Variants in SLC7A9 observed in about 807,000 individuals in gnomAD.
SLC7A9 encodes the protein solute carrier family 7 member 9, also known as B(0,+)-type amino acid transporter 1.
A neutral mutation model predicts 54.1 loss-of-function variants in SLC7A9; 38 were observed. The ratio of observed to expected loss-of-function variants is 0.70; its 90% CI spans 0.54 to 0.92. SLC7A9 has a LOEUF of 0.92. Ranked by LOEUF, SLC7A9 falls within the 40% of genes least tolerant of loss-of-function variation. The pLI is 0.00. For missense variants in SLC7A9, 537 were observed against 636.1 expected, an observed-to-expected ratio of 0.84 and a Z score of 1.68; for synonymous variants, 264 against 258.9, an observed-to-expected ratio of 1.02 and a Z score of -0.19.
intron 10 of SLC7A9, among the ~76,000 whole-genome samples, chr19:32,842,817 AC>A (rs1385267808): frequency 6.6e-6 from 1 of 151,862 alleles, no homozygotes; most frequent in Admixed American, 6.6e-5. Context: ...TCGCCATCTC[AC>A]GGTTTTAATG....
chr19:32,842,373 T>C (rs935035330), intron 10 of SLC7A9, 56 bp from the exon 11 acceptor site: 32 of 1,544,770 alleles, frequency 2.1e-5, no homozygotes, highest in Non-Finnish European at 2.8e-5. Context: ...TGTTCTCATG[T>C]CACAGAAGAC....
chr19:32,838,246 T>G (rs532519165), intron 11 of SLC7A9, among the ~76,000 whole-genome samples: 1 of 152,288 alleles, frequency 6.6e-6, no homozygotes, highest in East Asian at 1.9e-4. Context: ...GTTTCCCTCC[T>G]TTGTTTAAAT....
In SLC7A9 at chr19:32,864,299, T is replaced by C; in HGVS notation, c.275A>G (p.Lys92Arg). The C allele has an allele frequency of 6.2e-7, 1 of 1,614,062 alleles. No individual in the cohort carries two copies. The highest frequency in any genetic ancestry group is 2.2e-5 in the East Asian group (1 of 44,858). ...CAGGTAGGGATACTCTCCCCCTGAC[T>C]TGGTGATCATTGTGCCAAGCTCCGC... is the stretch of plus-strand genomic sequence containing the variant. ...CFAELGTMIT[K>R]SGGEYPYLME... The change falls in exon 4 of 13, where the codon AAG (lysine) becomes AGG (arginine). Residue 92 changes from lysine to arginine, a missense_variant. Coordinates refer to ENST00000023064, the MANE Select transcript of SLC7A9 (RefSeq NM_014270.5).
At chr19:32,845,836 C>G (rs1968273397) in intron 9 of SLC7A9, among the ~76,000 whole-genome samples, 1 of 152,084 alleles carries the variant, frequency 6.6e-6, no homozygotes, top group African/African-American at 2.4e-5. Context: ...AGTGAAACCC[C>G]CTCTCTCCTA....
At chr19:32,857,022 G>A (rs924457952) in intron 9 of SLC7A9, among the ~76,000 whole-genome samples, 1 of 152,034 alleles carries the variant, frequency 6.6e-6, no homozygotes, top group African/African-American at 2.4e-5. Flanking sequence ...ATGATGGCAG[G>A]TGCCTGTAAT....
intron 12 of SLC7A9, among the ~76,000 whole-genome samples, chr19:32,831,808 T>C (rs988377652): frequency 1.3e-5 from 2 of 152,212 alleles, no homozygotes; most frequent in East Asian, 1.9e-4. Flanking sequence ...CCATGACTTT[T>C]TGTGTGTCTT....
chr19:32,858,389 T>A (rs2287880), intron 9 of SLC7A9, 51 bp downstream of exon 9: 7 of 1,304,448 alleles, frequency 5.4e-6, no homozygotes, highest in Non-Finnish European at 7.7e-6. Context: ...GGGGGTGATA[T>A]TGCTTTCGCC....
chr19:32,855,524 C>G (rs111590167), intron 9 of SLC7A9, among the ~76,000 whole-genome samples: 1 of 152,028 alleles, frequency 6.6e-6, no homozygotes, highest in Non-Finnish European at 1.5e-5. Context: ...ACGGTGAAAC[C>G]CCATCTCTAC....
At position 32,833,272 on chromosome 19, in the gene SLC7A9, G is replaced by C. The variant is rs760033221; in HGVS notation, c.1276C>G (p.Leu426Val). ...LMTLISVFLV[L>V]APIISKPTWE... ...GTGGGCTTGCTGATGATTGGAGCCAGAACCAAAAACACAGAGATGAGTGTC... is the reference window on the plus strand; with the variant it reads ...GTGGGCTTGCTGATGATTGGAGCCACAACCAAAAACACAGAGATGAGTGTC... The change falls in exon 12 of 13, where the codon CTG (leucine) becomes GTG (valine). Residue 426 changes from leucine to valine, a missense_variant. Coordinates refer to ENST00000023064, the MANE Select transcript of SLC7A9 (RefSeq NM_014270.5). 3.1e-6 allele frequency: 5 copies of C among 1,614,192 alleles called. No homozygotes were observed. The highest frequency in any genetic ancestry group is 4.2e-6 in the Non-Finnish European group (5 of 1,180,036).
At chr19:32,847,233 A>G (rs1159943332) in intron 9 of SLC7A9, among the ~76,000 whole-genome samples, 4 of 152,050 alleles carry the variant, frequency 2.6e-5, no homozygotes, top group Non-Finnish European at 4.4e-5. Context: ...CGGTCCAACT[A>G]CTCCGAGCTA....
chr19:32,860,404 C>G (rs1968763875), intron 7 of SLC7A9: 1 of 1,366,222 alleles, frequency 7.3e-7, no homozygotes, highest in African/African-American at 1.5e-5. Context: ...TAAAAAAATA[C>G]AAAAATGAGT....
chr19:32,860,240 A>G (rs1968758577), intron 7 of SLC7A9: 19 of 1,413,534 alleles, frequency 1.3e-5, no homozygotes, highest in Non-Finnish European at 1.7e-5. Context: ...CCAAACTCTA[A>G]GCGTGCATAG....
intron 9 of SLC7A9, among the ~76,000 whole-genome samples, chr19:32,851,952 A>G (rs575877077): frequency 2.2e-4 from 33 of 151,714 alleles, no homozygotes; most frequent in African/African-American, 7.5e-4. Flanking sequence ...GTTCTCACTC[A>G]TAGGTGGGAA....
At chr19:32,867,448 T>C (rs117126204) in intron 2 of SLC7A9, among the ~76,000 whole-genome samples, 1 of 151,662 alleles carries the variant, frequency 6.6e-6, no homozygotes, top group Non-Finnish European at 1.5e-5. Context: ...GTCCAGGAGG[T>C]TGACGCTGCA....
intron 2 of SLC7A9, 68 bp from the exon 3 acceptor site, chr19:32,864,844 C>A: frequency 6.2e-7 from 1 of 1,605,406 alleles, no homozygotes. Flanking sequence ...CCAGGTGCCA[C>A]CCTCCCTCGG....
At chr19:32,836,916 A>G (rs1967974240) in intron 11 of SLC7A9, among the ~76,000 whole-genome samples, 1 of 152,058 alleles carries the variant, frequency 6.6e-6, no homozygotes, top group Admixed American at 6.6e-5. Context: ...GTTTTTCTGT[A>G]TATTCATTTG....
chr19:32,857,454 A>T (rs934556879), intron 9 of SLC7A9, among the ~76,000 whole-genome samples: 3 of 150,666 alleles, frequency 2.0e-5, no homozygotes, highest in African/African-American at 7.3e-5. Flanking sequence ...AAAATTAATT[A>T]GTTAATTAAA....
In SLC7A9 at chr19:32,864,226, G is replaced by C. The variant is rs1968893018; in HGVS notation, c.348C>G (p.Ser116Arg). The change falls in exon 4 of 13, where the codon AGC (serine) becomes AGG (arginine). Residue 116 changes from serine (S) to arginine (R), a missense_variant. Transcript: ENST00000023064. ...PIPAYLFSWA[S>R]LIVIKPTSFA... is the part of the protein sequence containing the mutation. ...AGGACGTGGGCTTAATGACGATCAG[G>C]CTGGCCCAGGAGAAGAGGTAGGCGG... 6 of 1,614,212 alleles carry C rather than the reference G, an allele frequency of 3.7e-6. No homozygotes were observed. Among genetic ancestry groups the C allele is most frequent in the South Asian group, 2.2e-5 (2 of 91,084 alleles).
At chr19:32,859,532 T>C (rs1255456417) in intron 8 of SLC7A9, among the ~76,000 whole-genome samples, 1 of 152,126 alleles carries the variant, frequency 6.6e-6, no homozygotes, top group African/African-American at 2.4e-5. Context: ...CATTATTATT[T>C]AGGGTGGTGC....
Sources: allele counts gnomAD v4.1 joint callset (sites outside exome capture counted in the v4.1 genomes callset), GRCh38; gene constraint gnomAD v4.1.1; transcripts MANE v1.5; gene names NCBI Gene and HGNC (gene_info 2026-07-23, HGNC 2026-07-21).